Variants in GRID2 observed in about 807,000 individuals in gnomAD.
GRID2 encodes glutamate receptor ionotropic, delta-2.
A neutral mutation model predicts 114.8 loss-of-function variants in GRID2; 33 were observed. That is an observed-to-expected ratio of 0.29 (90% CI 0.22 to 0.38). GRID2 has a LOEUF of 0.38. Among genes scored for constraint, GRID2 ranks in the 10% least tolerant of loss-of-function variants. The pLI is 1.00. For missense variants in GRID2, 1,184 were observed against 1,257.7 expected (o/e 0.94, Z 0.89); for synonymous variants, 505 against 449.9 (o/e 1.12, Z -1.55).
chr4:93,153,318 G>A (rs1478767976), intron 4 of GRID2, among the ~76,000 whole-genome samples: 1 of 152,020 alleles, frequency 6.6e-6, no homozygotes, highest in Non-Finnish European at 1.5e-5. Context: ...AAAGTCAAAT[G>A]GAGCATTGAA....
intron 14 of GRID2, among the ~76,000 whole-genome samples, chr4:93,718,648 G>A (rs1334804937): frequency 1.3e-5 from 2 of 152,044 alleles, no homozygotes; most frequent in African/African-American, 4.8e-5. Flanking sequence ...TGAAACTCTT[G>A]GCACATATTT....
chr4:92,487,418 C>G (rs1037996535), intron 1 of GRID2, among the ~76,000 whole-genome samples: 2 of 151,840 alleles, frequency 1.3e-5, no homozygotes, highest in African/African-American at 4.8e-5. Context: ...AAAATGAATA[C>G]TACTACTAGA....
intron 2 of GRID2, among the ~76,000 whole-genome samples, chr4:92,978,841 A>G (rs1278507260): frequency 6.6e-6 from 1 of 151,996 alleles, no homozygotes; most frequent in East Asian, 1.9e-4. Flanking sequence ...TTGGGCTGCA[A>G]CATAGTGAGA....
At chr4:93,580,797 A>G (rs1264901893) in intron 13 of GRID2, among the ~76,000 whole-genome samples, 1 of 150,740 alleles carries the variant, frequency 6.6e-6, no homozygotes, top group Non-Finnish European at 1.5e-5. Context: ...TTTAATATCC[A>G]GTTCTCAAAA....
At chr4:92,386,832 C>T (rs554459893) in intron 1 of GRID2, among the ~76,000 whole-genome samples, 13 of 151,794 alleles carry the variant, frequency 8.6e-5, no homozygotes, top group Admixed American at 6.6e-4. Flanking sequence ...ACAGGCAATG[C>T]TATGGAGGAT....
At chr4:93,491,453 G>A (rs1727002737) in intron 12 of GRID2, among the ~76,000 whole-genome samples, 1 of 151,828 alleles carries the variant, frequency 6.6e-6, no homozygotes, top group Non-Finnish European at 1.5e-5. Flanking sequence ...AGCCCGTGGA[G>A]CCCAAGGGCC....
At chr4:92,840,959 T>G (rs1311602247) in intron 2 of GRID2, among the ~76,000 whole-genome samples, 10 of 152,056 alleles carry the variant, frequency 6.6e-5, no homozygotes, top group African/African-American at 1.9e-4. Context: ...TTCTTCTTAA[T>G]AACTATTCCA....
intron 13 of GRID2, among the ~76,000 whole-genome samples, chr4:93,599,137 C>G (rs1225658342): frequency 1.3e-5 from 2 of 152,092 alleles, no homozygotes; most frequent in African/African-American, 4.8e-5. Context: ...GGTCTGACAC[C>G]GAATAGAGTG....
intron 1 of GRID2, among the ~76,000 whole-genome samples, chr4:92,479,747 T>C (rs781484666): frequency 3.3e-5 from 5 of 152,126 alleles, no homozygotes; most frequent in Admixed American, 6.6e-5. Context: ...CGTTAAATGA[T>C]TGATAAGTAA....
chr4:92,655,167 T>C (rs1182103879), intron 2 of GRID2, among the ~76,000 whole-genome samples: 2 of 152,048 alleles, frequency 1.3e-5, no homozygotes, highest in African/African-American at 2.4e-5. Context: ...CCAATGTTTG[T>C]TCTTGGTGAC....
chr4:93,189,986 G>A (rs1276391207), intron 4 of GRID2, among the ~76,000 whole-genome samples: 1 of 151,948 alleles, frequency 6.6e-6, no homozygotes, highest in Non-Finnish European at 1.5e-5. Flanking sequence ...TTTAATTTCT[G>A]TTGCCCTCTT....
Position 93,141,606 on chromosome 4 carries a change from A to G in GRID2, c.735+30653A>G, listed in dbSNP as rs79135455. Among the ~76,000 whole-genome samples the G allele has an allele frequency of 4.8e-3, 733 of 152,392 alleles. 5 individuals are homozygous for G. Among genetic ancestry groups the G allele is most frequent in the African/African-American group, 0.017 (688 of 41,606 alleles). On this transcript the variant is annotated intron_variant, in intron 4 of 15. Coordinates refer to ENST00000282020, the MANE Select transcript of GRID2 (RefSeq NM_001510.4). ...TGTGTTGAAATGATTACAAAAATTT[A>G]TAACCACTACAGAGAGCTGCCAAGT...
At chr4:92,564,888 C>T (rs1727262000) in intron 1 of GRID2, among the ~76,000 whole-genome samples, 1 of 151,876 alleles carries the variant, frequency 6.6e-6, no homozygotes, top group African/African-American at 2.4e-5. Context: ...TGCCCTGTAT[C>T]GTCAGTGTAG....
At chr4:92,874,541 C>T (rs1560659020) in intron 2 of GRID2, among the ~76,000 whole-genome samples, 3 of 151,994 alleles carry the variant, frequency 2.0e-5, no homozygotes, top group African/African-American at 4.8e-5. Context: ...TTTTAAACAT[C>T]CAAAGAGTAC....
intron 2 of GRID2, among the ~76,000 whole-genome samples, chr4:92,818,896 T>G (rs932090409): frequency 6.6e-6 from 1 of 152,138 alleles, no homozygotes; most frequent in African/African-American, 2.4e-5. Context: ...TATCTGTAAT[T>G]TATCTGCTTG....
chr4:92,869,457 G>T (rs1278891697), intron 2 of GRID2, among the ~76,000 whole-genome samples: 1 of 152,148 alleles, frequency 6.6e-6, no homozygotes, highest in East Asian at 1.9e-4. Flanking sequence ...CAAAGCAACT[G>T]GTAGTTCGGA....
intron 2 of GRID2, among the ~76,000 whole-genome samples, chr4:93,049,267 A>C (rs1203230073): frequency 6.6e-6 from 1 of 152,062 alleles, no homozygotes; most frequent in Non-Finnish European, 1.5e-5. Flanking sequence ...ACCTAACAGC[A>C]TTCTCATTTA....
intron 2 of GRID2, among the ~76,000 whole-genome samples, chr4:92,876,840 G>A (rs1475030095): frequency 1.3e-5 from 2 of 152,168 alleles, no homozygotes; most frequent in South Asian, 2.1e-4. Flanking sequence ...TTGGTGGACT[G>A]TAAGCCATGC....
At chr4:93,095,573 CTTATAA>C (rs1560873417) in intron 3 of GRID2, among the ~76,000 whole-genome samples, 2 of 151,912 alleles carry the variant, frequency 1.3e-5, no homozygotes, top group African/African-American at 2.4e-5. Flanking sequence ...AAATCTAAAA[CTTATAA>C]TTTAATTAGT....
Sources: gnomAD v4.1 joint callset for allele counts (sites outside exome capture counted in the v4.1 genomes callset) on GRCh38, gnomAD v4.1.1 for gene constraint, MANE v1.5 for transcripts, NCBI Gene and HGNC (gene_info 2026-07-23, HGNC 2026-07-21) for gene names.